Variants in DYNC1H1 observed in about 807,000 individuals in gnomAD.
DYNC1H1 encodes dynein cytoplasmic 1 heavy chain 1, also known as cytoplasmic dynein 1 heavy chain 1.
DYNC1H1 carries 51 observed loss-of-function variants against 527.1 expected under a neutral mutation model. The observed-to-expected ratio is 0.10, with a 90% CI of 0.08 to 0.12. The LOEUF (loss-of-function observed/expected upper bound fraction) is 0.12. Among genes scored for constraint, DYNC1H1 ranks in the 10% least tolerant of loss-of-function variants. DYNC1H1 has a pLI of 1.00. For missense variants in DYNC1H1, 2,771 were observed against 5,971.8 expected (o/e 0.46, Z 17.66); for synonymous variants, 2,189 against 2,278.8 (o/e 0.96, Z 1.12).
At chr14:101,972,216 A>T (rs1041058359) in intron 1 of DYNC1H1, among the ~76,000 whole-genome samples, 27 of 137,706 alleles carry the variant, frequency 2.0e-4, no homozygotes, top group Non-Finnish European at 3.3e-4. Flanking sequence ...ACAACTATTT[A>T]AAAAAAAAAA....
rs573171249 is a variant in DYNC1H1, at chr14:102,040,549, C to T, written c.11866-49C>T. Reference sequence around the variant, plus strand: ...ACTCTCGCTCAGTCGTGGGTTCTGCCCCAGAGGCCAGCCCTGCTCCATGGG... The same window carrying T: ...ACTCTCGCTCAGTCGTGGGTTCTGCTCCAGAGGCCAGCCCTGCTCCATGGG... On this transcript the variant is annotated intron_variant, in intron 63 of 77. Transcript: ENST00000360184. 4 of 1,613,300 alleles carry T rather than the reference C, an allele frequency of 2.5e-6. No individual in the cohort carries two copies. In the African/African-American group the frequency reaches 4.0e-5, roughly 16 times the overall value.
rs374033335 is a variant in DYNC1H1 at position 102,002,831 on chromosome 14, C to T, written c.4749C>T (p.Ser1583=). The change falls in exon 23 of 78, where the codon TCC becomes TCT. Residue 1583 remains serine (S), a synonymous_variant. Transcript: ENST00000360184. This position sits in a 1 kb window ranked among gnomAD's most constrained non-coding sequence, Gnocchi z 4.4. ...TTTTGGCTCTAATGAAAAAAGTGTC[C>T]AAGTCTCCCCTTGTTATGGATGTTC... ...TEFLALMKKV[S]KSPLVMDVLN... 131 of 1,614,106 alleles carry T rather than the reference C, an allele frequency of 8.1e-5. No individual in the cohort carries two copies. The highest frequency in any genetic ancestry group is 1.0e-4 in the Non-Finnish European group (122 of 1,180,052).
rs1368360276 is a variant in DYNC1H1, at chr14:102,042,921, T to C, written c.12513+173T>C. 2 of 740,470 alleles carry C rather than the reference T, an allele frequency of 2.7e-6. No individual in the cohort carries two copies. The highest frequency in any genetic ancestry group is 5.5e-5 in the East Asian group (2 of 36,590). 45.9% of individuals were successfully genotyped at this position (740,470 alleles called of 1,614,324 possible). ...TCCTTCCATGGCCGGGCACCGTGGCTCACACTGGTAATCCTAGCACTTTGG... is the reference window on the plus strand; with the variant it reads ...TCCTTCCATGGCCGGGCACCGTGGCCCACACTGGTAATCCTAGCACTTTGG... On this transcript the variant is annotated intron_variant, in intron 69 of 77. Coordinates refer to ENST00000360184, the MANE Select transcript of DYNC1H1 (RefSeq NM_001376.5). This position sits in a 1 kb window ranked among gnomAD's most constrained non-coding sequence, Gnocchi z 5.7.
chr14:102,050,813 C>T lies in DYNC1H1; in HGVS notation c.*250C>T. ...CATGAGCCGGCTCCGCCTCTTCTGT[C>T]TCCGCTTTCATCCCAGGGCACAGAG... On this transcript the variant is annotated 3_prime_UTR_variant, in exon 78 of 78. Coordinates refer to ENST00000360184, the MANE Select transcript of DYNC1H1 (RefSeq NM_001376.5). The T allele has an allele frequency of 2.0e-6, 1 of 503,684 alleles. No homozygotes were observed. The highest frequency in any genetic ancestry group is 4.1e-5 in the East Asian group (1 of 24,422). 31.2% of individuals were successfully genotyped at this position (503,684 alleles called of 1,614,324 possible). A position where few individuals can be genotyped will look rare whatever the true frequency, so the allele number is the denominator to read the frequency against.
chr14:102,009,988 G>A lies in DYNC1H1; in HGVS notation c.6123G>A (p.Met2041Ile). The change falls in exon 30 of 78, where the codon ATG becomes ATA. Residue 2041 changes from methionine (M) to isoleucine (I), a missense_variant. By Grantham distance (10) the Met-to-Ile change is conservative. Transcript: ENST00000360184. ...AGAAGCTGTTCCGGAGCTTGGCCAT[G>A]ACCAAGCCCGACCGGCAGTTAATCG... Reference protein sequence around the residue: ...NLKKLFRSLAMTKPDRQLIAQ... With the variant: ...NLKKLFRSLAITKPDRQLIAQ... 1 of 1,614,094 alleles carries A rather than the reference G, an allele frequency of 6.2e-7. No individual in the cohort carries two copies.
Position 102,001,017 on chromosome 14 carries a change from T to A in DYNC1H1, c.4138T>A (p.Tyr1380Asn). The change falls in exon 19 of 78, where the codon TAT (tyrosine) becomes AAT (asparagine). Residue 1380 changes from tyrosine (Y) to asparagine (N), a missense_variant. Tyr to Asn is a moderately radical substitution (Grantham distance 143). This residue lies in a region of DYNC1H1 where 223 missense variants were observed against 462.5 expected (regional missense o/e 0.48). Transcript: ENST00000360184. This position sits in a 1 kb window ranked among gnomAD's most constrained non-coding sequence, Gnocchi z 5.0. ...AAGCTTCCCTGCCCGGTTGCGACAGTATGCGTCCTATGAGTTTGTTCAGAG... is the reference window on the plus strand; with the variant it reads ...AAGCTTCCCTGCCCGGTTGCGACAGAATGCGTCCTATGAGTTTGTTCAGAG... Reference protein sequence around the residue: ...LKSFPARLRQYASYEFVQRLL... With the variant: ...LKSFPARLRQNASYEFVQRLL... The A allele has an allele frequency of 6.2e-7, 1 of 1,614,248 alleles. No homozygotes were observed.
At position 102,036,748 on chromosome 14, in the gene DYNC1H1, A is replaced by G. The variant is rs1484272350; in HGVS notation, c.10908+106A>G. 6 of 1,419,310 alleles carry G rather than the reference A, an allele frequency of 4.2e-6. No homozygotes were observed. In the African/African-American group the frequency reaches 8.5e-5, roughly 20 times the overall value. 87.9% of individuals were successfully genotyped at this position (1,419,310 alleles called of 1,614,324 possible). A position where few individuals can be genotyped will look rare whatever the true frequency, so the allele number is the denominator to read the frequency against. On this transcript the variant is annotated intron_variant, in intron 57 of 77. Transcript: ENST00000360184. This position sits in a 1 kb window ranked among gnomAD's most constrained non-coding sequence, Gnocchi z 5.6. ...TTGTAAGACTTCATTTTGTATCAGA[A>G]GGATAAAGCTTTGCGGTGGTTCTGT...
At position 102,017,129 on chromosome 14, in the gene DYNC1H1, G is replaced by T. The variant is rs961953446; in HGVS notation, c.7890G>T (p.Leu2630=). 6.2e-7 allele frequency: 1 copy of T among 1,614,146 alleles called. No homozygotes were observed. Among genetic ancestry groups the T allele is most frequent in the African/African-American group, 1.3e-5 (1 of 74,956 alleles). Residue 2630 remains leucine, a synonymous_variant, in exon 39 of 78, where the codon CTG becomes CTT. Coordinates refer to ENST00000360184, the MANE Select transcript of DYNC1H1 (RefSeq NM_001376.5). The surrounding 1 kb of genome is among the most constrained non-coding windows in gnomAD (Gnocchi z 4.6). ...TCTCCAGTGCTACTACTCCAGAGCT[G>T]CTTCTGAAGACTTTTGATCACTACT... ...LNFSSATTPE[L]LLKTFDHYCE...
chr14:102,002,936 T>C lies in DYNC1H1; in HGVS notation c.4854T>C (p.Tyr1618=), dbSNP rs75094258. 1,200 of 1,614,180 alleles carry C rather than the reference T, an allele frequency of 7.4e-4. 7 individuals carry two copies. In the African/African-American group the frequency reaches 0.012, roughly 16 times the overall value. ...AGATCCAGAAAGCATTGGGAGAATA[T>C]CTGGAAAGAGAGCGGTCATCTTTCC... is the stretch of plus-strand genomic sequence containing the variant. The part of the protein sequence containing the change: ...LGKIQKALGE[Y]LERERSSFPR... The change falls in exon 23 of 78, where the codon TAT becomes TAC. Residue 1618 remains tyrosine, a synonymous_variant. Transcript: ENST00000360184. This position sits in a 1 kb window ranked among gnomAD's most constrained non-coding sequence, Gnocchi z 4.4.
In DYNC1H1 at chr14:101,997,938, C is replaced by T. The variant is rs1424924647; in HGVS notation, c.3804+664C>T. Reference sequence around the variant, plus strand: ...GCTGCGACAGAAGCAGATGAGAGGGCGCTGGCTCAGTGGCTACTGCTGTGC... The same window carrying T: ...GCTGCGACAGAAGCAGATGAGAGGGTGCTGGCTCAGTGGCTACTGCTGTGC... On this transcript the variant is annotated intron_variant, in intron 16 of 77. Coordinates refer to ENST00000360184, the MANE Select transcript of DYNC1H1 (RefSeq NM_001376.5). The surrounding 1 kb of genome is among the most constrained non-coding windows in gnomAD (Gnocchi z 4.8). 1.3e-5 allele frequency among the ~76,000 whole-genome samples: 2 copies of T among 152,118 alleles called. No homozygotes were observed.
intron 16 of DYNC1H1, among the ~76,000 whole-genome samples, chr14:101,999,072 C>T (rs1233480975): frequency 7.2e-5 from 11 of 151,884 alleles, no homozygotes; most frequent in Admixed American, 1.3e-4. Context: ...TTAGTAGAGA[C>T]GGGGTTTCAA....
chr14:101,997,335 T>G lies in DYNC1H1; in HGVS notation c.3804+61T>G. The stretch of plus-strand genomic sequence containing the variant: ...CACCCAGCAGTGTGATTTGGTGACT[T>G]TCTTTCAAGCCTAAAAGGCCTTGCT... On this transcript the variant is annotated intron_variant, in intron 16 of 77. Transcript: ENST00000360184. The surrounding 1 kb of genome is among the most constrained non-coding windows in gnomAD (Gnocchi z 4.8). 2 of 1,612,052 alleles carry G rather than the reference T, an allele frequency of 1.2e-6. No homozygotes were observed. The highest frequency in any genetic ancestry group is 1.1e-5 in the South Asian group (1 of 90,418).
Position 102,041,239 on chromosome 14 carries a change from G to T in DYNC1H1, c.11942-335G>T. On this transcript the variant is annotated intron_variant, in intron 64 of 77. Transcript: ENST00000360184. This position sits in a 1 kb window ranked among gnomAD's most constrained non-coding sequence, Gnocchi z 4.5. The stretch of plus-strand genomic sequence containing the variant: ...AGACCCTGGGCTAGCCAGGCTGAGA[G>T]GAAGTGTCAGACTGTGGAGGGCAGA... The T allele has an allele frequency of 2.5e-6, 1 of 402,130 alleles. No homozygotes were observed. The highest frequency in any genetic ancestry group is 4.7e-6 in the Non-Finnish European group (1 of 212,712). 24.9% of individuals were successfully genotyped at this position (402,130 alleles called of 1,614,324 possible). A position where few individuals can be genotyped will look rare whatever the true frequency, so the allele number is the denominator to read the frequency against.
chr14:101,983,588 C>T lies in DYNC1H1; in HGVS notation c.1440C>T (p.Ile480=), dbSNP rs746284696. 14 of 1,613,938 alleles carry T rather than the reference C, an allele frequency of 8.7e-6. No individual in the cohort carries two copies. In the Admixed American group the frequency reaches 2.3e-4, roughly 27 times the overall value. ...RRQHEQLRAV[I]VRVLRPQVTA... is the part of the protein sequence containing the mutation. ...AGCATGAACAGCTAAGAGCTGTTAT[C>T]GTCAGGGTCCTGAGGCCACAGGTAA... The change falls in exon 7 of 78, where the codon ATC becomes ATT. Residue 480 remains isoleucine (I), a synonymous_variant. Transcript: ENST00000360184. The surrounding 1 kb of genome is among the most constrained non-coding windows in gnomAD (Gnocchi z 5.3).
chr14:101,983,672 G>GTTTT lies in DYNC1H1; in HGVS notation c.1461+70_1461+73dup. Reference sequence around the variant, plus strand: ...GTTTTTGTTTTGTTTTTTGTTTGGTGTTTTTTTTTTGTTGTTGTTGTTGAG... The same window carrying GTTTT: ...GTTTTTGTTTTGTTTTTTGTTTGGTGTTTTTTTTTTTTTTGTTGTTGTTGTTGAG... On this transcript the variant is annotated intron_variant, in intron 7 of 77. Transcript: ENST00000360184. This position sits in a 1 kb window ranked among gnomAD's most constrained non-coding sequence, Gnocchi z 5.3. The GTTTT allele has an allele frequency of 3.7e-6, 5 of 1,334,894 alleles. No homozygotes were observed. In the African/African-American group the frequency reaches 4.7e-5, roughly 13 times the overall value. 82.7% of individuals were successfully genotyped at this position (1,334,894 alleles called of 1,614,324 possible).
chr14:101,995,503 C>G (rs2048049713), intron 15 of DYNC1H1, among the ~76,000 whole-genome samples: 1 of 151,468 alleles, frequency 6.6e-6, no homozygotes, highest in African/African-American at 2.4e-5. Context: ...CCCAGCTACT[C>G]AGGAGGCTGA....
chr14:101,994,427 T>TC (rs1475342880), intron 12 of DYNC1H1, 103 bp downstream of exon 12: 11 of 1,528,508 alleles, frequency 7.2e-6, no homozygotes, highest in Non-Finnish European at 9.9e-6. Context: ...TGACTGTATG[T>TC]ATGGTTCACT....
chr14:102,013,116 G>C (rs2048276951), intron 34 of DYNC1H1, among the ~76,000 whole-genome samples: 1 of 152,000 alleles, frequency 6.6e-6, no homozygotes, highest in South Asian at 2.1e-4. Flanking sequence ...GGGCATGGTG[G>C]TGGGTGCCTG....
At position 102,001,630 on chromosome 14, in the gene DYNC1H1, C is replaced by G. The variant is rs1703505053; in HGVS notation, c.4491C>G (p.Val1497=). The G allele has an allele frequency of 1.2e-6, 2 of 1,614,064 alleles. No individual in the cohort carries two copies. Among genetic ancestry groups the G allele is most frequent in the African/African-American group, 2.7e-5 (2 of 74,914 alleles). The change falls in exon 21 of 78, where the codon GTC becomes GTG. Residue 1497 remains valine (V), a synonymous_variant. Coordinates refer to ENST00000360184, the MANE Select transcript of DYNC1H1 (RefSeq NM_001376.5). The surrounding 1 kb of genome is among the most constrained non-coding windows in gnomAD (Gnocchi z 5.0). ...IRGWDDLFNK[V]KEHINSVSAM... The stretch of plus-strand genomic sequence containing the variant: ...GCTGGGATGACCTCTTCAACAAGGT[C>G]AAAGAACACATCAACAGCGTCTCGG...
Sources: allele counts gnomAD v4.1 joint callset (sites outside exome capture counted in the v4.1 genomes callset), GRCh38; gene constraint gnomAD v4.1.1; regional missense constraint gnomAD v4.1.1; non-coding constraint Gnocchi (gnomAD v3.1); transcripts MANE v1.5; gene names NCBI Gene and HGNC (gene_info 2026-07-23, HGNC 2026-07-21).